Variants in LHFPL2 observed in about 807,000 individuals in gnomAD.
The protein encoded by LHFPL2 is LHFPL tetraspan subfamily member 2.
Under a neutral mutation model 17.5 loss-of-function variants are expected in LHFPL2, and 7 were observed. That is an observed-to-expected ratio of 0.40 (90% CI 0.23 to 0.75). The LOEUF (loss-of-function observed/expected upper bound fraction) is 0.75. Ranked by LOEUF, LHFPL2 falls within the 30% of genes least tolerant of loss-of-function variation. The pLI is 0.37. For missense variants in LHFPL2, 241 were observed against 294.8 expected (o/e 0.82, Z 1.34); for synonymous variants, 134 against 116.2 (o/e 1.15, Z -0.99).
chr5:78,584,267 CCTT>C (rs1384519316), intron 2 of LHFPL2, among the ~76,000 whole-genome samples: 2 of 152,168 alleles, frequency 1.3e-5, no homozygotes, highest in African/African-American at 2.4e-5. Flanking sequence ...TCATCTGAAG[CCTT>C]CTTCTCTCAG....
intron 1 of LHFPL2, chr5:78,644,634 T>C: frequency 2.8e-6 from 1 of 354,708 alleles, no homozygotes; most frequent in Non-Finnish European, 5.4e-6. Flanking sequence ...TCATTTCTCT[T>C]TCATAATGGG....
intron 3 of LHFPL2, among the ~76,000 whole-genome samples, chr5:78,531,250 T>A (rs1431759436): frequency 3.3e-5 from 5 of 150,996 alleles, no homozygotes; most frequent in African/African-American, 1.2e-4. Context: ...ACCCCGTCTC[T>A]ACTTAAAATA....
rs1225594686 is a variant in LHFPL2 at position 78,488,216 on chromosome 5, C to CAT, written c.*679_*680dup. The stretch of plus-strand genomic sequence containing the variant: ...TAGCAAGATTTCATATTTTTGTTCT[C>CAT]ATATGATTGTATAGGTCCTTATTGT... On this transcript the variant is annotated 3_prime_UTR_variant, in exon 5 of 5. Coordinates refer to ENST00000380345, the MANE Select transcript of LHFPL2 (RefSeq NM_005779.3). The CAT allele has an allele frequency of 3.3e-5, 5 of 152,016 alleles. No individual in the cohort carries two copies. Among genetic ancestry groups the CAT allele is most frequent in the Non-Finnish European group, 7.3e-5 (5 of 68,156 alleles). 9.4% of individuals were successfully genotyped at this position (152,016 alleles called of 1,614,324 possible).
intron 1 of LHFPL2, among the ~76,000 whole-genome samples, chr5:78,643,607 A>T (rs1695968784): frequency 6.6e-6 from 1 of 152,222 alleles, no homozygotes; most frequent in African/African-American, 2.4e-5. Flanking sequence ...TTCAGTTAGC[A>T]GAACATTCAC....
chr5:78,600,994 C>T (rs1037957797), intron 2 of LHFPL2, among the ~76,000 whole-genome samples: 3 of 152,120 alleles, frequency 2.0e-5, no homozygotes, highest in African/African-American at 4.8e-5. Context: ...AAAAGAAAAT[C>T]GGATTTAAAT....
chr5:78,603,125 C>T lies in LHFPL2; in HGVS notation c.-245+29139G>A, dbSNP rs371583615. On this transcript the variant is annotated intron_variant, in intron 2 of 4. Transcript: ENST00000380345. ...GCCAGGATGGTCTCGATCTGCTGAC[C>T]TCGTGATCCACCTGCCTCGGCCTCC... Among the ~76,000 whole-genome samples the T allele has an allele frequency of 1.3e-4, 20 of 152,214 alleles. No individual in the cohort carries two copies. In the East Asian group the frequency reaches 3.9e-3, roughly 29 times the overall value.
At chr5:78,537,130 A>G (rs1436158612) in intron 3 of LHFPL2, among the ~76,000 whole-genome samples, 2 of 152,020 alleles carry the variant, frequency 1.3e-5, no homozygotes, top group African/African-American at 4.8e-5. Context: ...GCGCTGCTCT[A>G]CGACTGTCCT....
At chr5:78,534,818 G>A (rs1002657052) in intron 3 of LHFPL2, among the ~76,000 whole-genome samples, 55 of 152,276 alleles carry the variant, frequency 3.6e-4, no homozygotes, top group Non-Finnish European at 5.3e-4. Context: ...TGCCGTCCTG[G>A]CAAAACTCCC....
At chr5:78,521,893 C>T (rs533855694) in intron 3 of LHFPL2, among the ~76,000 whole-genome samples, 19 of 152,314 alleles carry the variant, frequency 1.2e-4, no homozygotes, top group South Asian at 8.3e-4. Context: ...AGACCTTCTA[C>T]GGCTGGCTAT....
chr5:78,626,461 G>C (rs566280104), intron 2 of LHFPL2: 2 of 152,356 alleles, frequency 1.3e-5, no homozygotes, highest in African/African-American at 4.8e-5. Context: ...TACAGGATAC[G>C]GAGAAGCCTT....
chr5:78,573,573 T>G (rs984472721), intron 2 of LHFPL2, among the ~76,000 whole-genome samples: 4 of 152,176 alleles, frequency 2.6e-5, no homozygotes, highest in Non-Finnish European at 5.9e-5. Context: ...AGGGGGTCTC[T>G]CAACAGAGGG....
chr5:78,553,558 A>G (rs565816561), intron 3 of LHFPL2, among the ~76,000 whole-genome samples: 1 of 152,232 alleles, frequency 6.6e-6, no homozygotes, highest in Non-Finnish European at 1.5e-5. Flanking sequence ...CAAGAATGGA[A>G]GAGCTGATAG....
At chr5:78,547,058 C>T (rs1319903887) in intron 3 of LHFPL2, among the ~76,000 whole-genome samples, 2 of 152,034 alleles carry the variant, frequency 1.3e-5, no homozygotes, top group Non-Finnish European at 2.9e-5. Context: ...TCCCCTTGGC[C>T]CCCATCACCT....
At chr5:78,608,977 A>AGAG (rs1744321515) in intron 2 of LHFPL2, among the ~76,000 whole-genome samples, 1 of 152,120 alleles carries the variant, frequency 6.6e-6, no homozygotes, top group African/African-American at 2.4e-5. Context: ...AAAGTCAGCA[A>AGAG]GAGACTTTCC....
intron 3 of LHFPL2, among the ~76,000 whole-genome samples, chr5:78,539,207 C>T (rs957086864): frequency 2.0e-5 from 3 of 152,212 alleles, no homozygotes; most frequent in African/African-American, 7.2e-5. Flanking sequence ...GAAGACACAA[C>T]AGCAAGGTGC....
intron 2 of LHFPL2, among the ~76,000 whole-genome samples, chr5:78,616,720 C>G (rs1474356067): frequency 6.6e-6 from 1 of 152,132 alleles, no homozygotes; most frequent in East Asian, 1.9e-4. Context: ...CTTGCAACAC[C>G]TCAGTCAACA....
chr5:78,605,594 T>C (rs1451567662), intron 2 of LHFPL2, among the ~76,000 whole-genome samples: 3 of 152,340 alleles, frequency 2.0e-5, no homozygotes, highest in Non-Finnish European at 4.4e-5. Flanking sequence ...CATAGGCTTC[T>C]AAGATAAGTG....
At chr5:78,637,313 A>C (rs1745486177) in intron 1 of LHFPL2, among the ~76,000 whole-genome samples, 1 of 149,894 alleles carries the variant, frequency 6.7e-6, no homozygotes. Flanking sequence ...AATGGAAGGA[A>C]GTTAGAGCCT....
At chr5:78,638,245 T>C (rs1353827293) in intron 1 of LHFPL2, among the ~76,000 whole-genome samples, 3 of 152,008 alleles carry the variant, frequency 2.0e-5, no homozygotes, top group African/African-American at 7.3e-5. Flanking sequence ...GTCCCAGCTA[T>C]TCGGGAGGCT....
Sources: allele counts gnomAD v4.1 joint callset (sites outside exome capture counted in the v4.1 genomes callset), GRCh38; gene constraint gnomAD v4.1.1; transcripts MANE v1.5; gene names NCBI Gene and HGNC (gene_info 2026-07-23, HGNC 2026-07-21).